Variants in VWC2L observed in about 807,000 individuals in gnomAD.
The protein encoded by VWC2L is von Willebrand factor C domain-containing protein 2-like.
Under a neutral mutation model 21.6 loss-of-function variants are expected in VWC2L, and 10 were observed. That is an observed-to-expected ratio of 0.46 (90% CI 0.29 to 0.78). The LOEUF is 0.78. VWC2L is among the 30% of genes least tolerant of loss of function. The pLI is 0.10. For synonymous variants in VWC2L, 96 were observed against 94.3 expected, an observed-to-expected ratio of 1.02 and a Z score of -0.10; for missense variants, 209 against 277.1, an observed-to-expected ratio of 0.75 and a Z score of 1.74.
intron 2 of VWC2L, among the ~76,000 whole-genome samples, chr2:214,434,934 TG>T (rs1414673727): frequency 6.6e-6 from 1 of 152,116 alleles, no homozygotes; most frequent in African/African-American, 2.4e-5. Flanking sequence ...ATGCTAGCTG[TG>T]GGGAAGGGAT....
intron 3 of VWC2L, among the ~76,000 whole-genome samples, chr2:214,538,485 A>T (rs1024163321): frequency 6.6e-6 from 1 of 152,070 alleles, no homozygotes; most frequent in African/African-American, 2.4e-5. Context: ...GGGTAAAAAA[A>T]TACCCTGGAT....
chr2:214,527,280 CA>C (rs1432247162), intron 3 of VWC2L, among the ~76,000 whole-genome samples: 2 of 151,986 alleles, frequency 1.3e-5, no homozygotes, highest in Non-Finnish European at 2.9e-5. Flanking sequence ...AGAGTCAAAA[CA>C]CTATCAGTTA....
At chr2:214,446,731 A>AT (rs1032146845) in intron 3 of VWC2L, among the ~76,000 whole-genome samples, 5 of 152,062 alleles carry the variant, frequency 3.3e-5, no homozygotes, top group African/African-American at 9.7e-5. Flanking sequence ...CAAAACATAC[A>AT]TTTTTTCCCT....
At chr2:214,531,982 T>C (rs1689443290) in intron 3 of VWC2L, among the ~76,000 whole-genome samples, 1 of 152,124 alleles carries the variant, frequency 6.6e-6, no homozygotes, top group Non-Finnish European at 1.5e-5. Flanking sequence ...TATTTCTCTC[T>C]CAGCTCAGTA....
At chr2:214,504,607 A>C (rs936090422) in intron 3 of VWC2L, among the ~76,000 whole-genome samples, 4 of 152,212 alleles carry the variant, frequency 2.6e-5, no homozygotes, top group African/African-American at 9.6e-5. Context: ...ACAAAGCTGA[A>C]AATCGTACCC....
intron 2 of VWC2L, among the ~76,000 whole-genome samples, chr2:214,432,087 C>A (rs915122011): frequency 6.6e-6 from 1 of 152,170 alleles, no homozygotes; most frequent in Non-Finnish European, 1.5e-5. Context: ...AAAATACAAA[C>A]ATCTCATTGA....
At chr2:214,439,554 G>A (rs145239673) in intron 3 of VWC2L, among the ~76,000 whole-genome samples, 288 of 151,814 alleles carry the variant, frequency 1.9e-3, no homozygotes, top group African/African-American at 6.7e-3. Flanking sequence ...TTATTTTGGC[G>A]GGCAAGTAAT....
At chr2:214,533,429 C>T (rs78903373) in intron 3 of VWC2L, among the ~76,000 whole-genome samples, 2,587 of 152,058 alleles carry the variant, frequency 0.017, 76 homozygotes, top group African/African-American at 0.058. Flanking sequence ...CAGGTCTCTA[C>T]CCCTGGGCTT....
chr2:214,478,394 G>C (rs556245343), intron 3 of VWC2L, among the ~76,000 whole-genome samples: 2 of 151,352 alleles, frequency 1.3e-5, no homozygotes, highest in Non-Finnish European at 2.9e-5. Context: ...CAGGAGAATC[G>C]CTTGAACCCA....
chr2:214,494,203 G>A (rs1258997297), intron 3 of VWC2L, among the ~76,000 whole-genome samples: 1 of 152,040 alleles, frequency 6.6e-6, no homozygotes, highest in Non-Finnish European at 1.5e-5. Context: ...ACTGTAAATT[G>A]CTTATCTAAG....
At position 214,457,621 on chromosome 2, in the gene VWC2L, T is replaced by C. The variant is rs1574575090; in HGVS notation, c.520+20863T>C. On this transcript the variant is annotated intron_variant, in intron 3 of 3. Transcript: ENST00000312504. ...TTCCCATTCATTATAATTTTAACTA[T>C]ATGTTTGCTATATATGGGCTTTATT... Among the ~76,000 whole-genome samples the C allele has an allele frequency of 2.0e-5, 3 of 152,228 alleles. No homozygotes were observed. In the South Asian group the frequency reaches 6.2e-4, roughly 32 times the overall value.
chr2:214,492,944 T>A (rs533984723), intron 3 of VWC2L, among the ~76,000 whole-genome samples: 3 of 152,288 alleles, frequency 2.0e-5, no homozygotes, highest in African/African-American at 7.2e-5. Context: ...TCAGGTTTCA[T>A]TGGTCAAAGC....
rs114598226 is a variant in VWC2L at position 214,497,643 on chromosome 2, C to T, written c.520+60885C>T. 1.1e-3 allele frequency among the ~76,000 whole-genome samples: 171 copies of T among 152,296 alleles called. 1 individual carries two copies. The highest frequency in any genetic ancestry group is 3.5e-3 in the African/African-American group (144 of 41,562). ...ACCCCAAATTTCCAGCTGCCATTTC[C>T]GTAAATTCACTCTCTTTATCAGTGT... On this transcript the variant is annotated intron_variant, in intron 3 of 3. Coordinates refer to ENST00000312504, the MANE Select transcript of VWC2L (RefSeq NM_001080500.4).
At chr2:214,428,198 C>T (rs1300946589) in intron 2 of VWC2L, among the ~76,000 whole-genome samples, 17 of 152,146 alleles carry the variant, frequency 1.1e-4, no homozygotes, top group Admixed American at 1.1e-3. Context: ...CATGTGCTTT[C>T]ACATATTATA....
At chr2:214,538,415 T>C (rs1339806768) in intron 3 of VWC2L, among the ~76,000 whole-genome samples, 1 of 152,084 alleles carries the variant, frequency 6.6e-6, no homozygotes, top group Non-Finnish European at 1.5e-5. Context: ...CAAATGTCTC[T>C]GATTCAATCC....
At chr2:214,521,730 C>T (rs1172944966) in intron 3 of VWC2L, among the ~76,000 whole-genome samples, 1 of 151,748 alleles carries the variant, frequency 6.6e-6, no homozygotes, top group Non-Finnish European at 1.5e-5. Flanking sequence ...AGTAACTCTT[C>T]CTTGCTCTAC....
At chr2:214,482,552 C>T (rs565748454) in intron 3 of VWC2L, among the ~76,000 whole-genome samples, 94 of 144,678 alleles carry the variant, frequency 6.5e-4, no homozygotes, top group Non-Finnish European at 1.1e-3. Context: ...CACACACACA[C>T]ATATATATAT....
intron 3 of VWC2L, among the ~76,000 whole-genome samples, chr2:214,553,440 G>A (rs1240880480): frequency 6.6e-6 from 1 of 152,130 alleles, no homozygotes; most frequent in Non-Finnish European, 1.5e-5. Context: ...CTGGAAGTGG[G>A]GGCTTCCCGG....
chr2:214,412,101 TAA>T (rs1215303109), intron 1 of VWC2L, among the ~76,000 whole-genome samples: 3 of 152,122 alleles, frequency 2.0e-5, no homozygotes, highest in Non-Finnish European at 4.4e-5. Context: ...ATGCAGATTT[TAA>T]GATATATTTC....
Sources: gnomAD v4.1 joint callset for allele counts (sites outside exome capture counted in the v4.1 genomes callset) on GRCh38, gnomAD v4.1.1 for gene constraint, MANE v1.5 for transcripts, NCBI Gene and HGNC (gene_info 2026-07-23, HGNC 2026-07-21) for gene names.